Variants in KCNH5 observed in about 807,000 individuals in gnomAD.
KCNH5 encodes potassium voltage-gated channel subfamily H member 5.
KCNH5 carries 46 observed loss-of-function variants against 96.1 expected under a neutral mutation model. The observed-to-expected ratio is 0.48, with a 90% CI of 0.38 to 0.61. KCNH5 has a LOEUF of 0.61. Ranked by LOEUF, KCNH5 falls within the 20% of genes least tolerant of loss-of-function variation. The pLI, the probability that KCNH5 is intolerant of heterozygous loss-of-function variation, is 0.00. For missense variants in KCNH5, 907 were observed against 1,225.8 expected, an observed-to-expected ratio of 0.74 and a Z score of 3.88; for synonymous variants, 439 against 449.8, an observed-to-expected ratio of 0.98 and a Z score of 0.30.
In KCNH5 at chr14:63,040,291, A is replaced by T. The variant is rs562504110; in HGVS notation, c.73+4823T>A. ...TCCTACTTCTGGAATCAAGCAAAAG[A>T]TAAACAAAGAGGGCAATTTCTAGTG... On this transcript the variant is annotated intron_variant, in intron 1 of 10. Transcript: ENST00000322893. Among the ~76,000 whole-genome samples, 8 of 152,270 alleles carry T rather than the reference A, an allele frequency of 5.3e-5. No individual in the cohort carries two copies. In the East Asian group the frequency reaches 7.7e-4, roughly 15 times the overall value.
At chr14:62,942,085 T>C (rs1211065422) in intron 7 of KCNH5, among the ~76,000 whole-genome samples, 1 of 152,194 alleles carries the variant, frequency 6.6e-6, no homozygotes, top group Non-Finnish European at 1.5e-5. Context: ...AGAAAACACA[T>C]CTTATTCTCC....
At chr14:62,800,833 T>A (rs188654544) in intron 9 of KCNH5, among the ~76,000 whole-genome samples, 8 of 152,154 alleles carry the variant, frequency 5.3e-5, no homozygotes, top group Non-Finnish European at 1.0e-4. Context: ...TATGAAGGGT[T>A]ATATTTATCT....
intron 10 of KCNH5, among the ~76,000 whole-genome samples, chr14:62,752,715 G>C (rs147286632): frequency 1.1e-3 from 163 of 152,160 alleles, no homozygotes; most frequent in African/African-American, 3.8e-3. Flanking sequence ...GATTATGGGG[G>C]CAGTTTCCCC....
intron 4 of KCNH5, among the ~76,000 whole-genome samples, chr14:62,995,476 G>A (rs1890890085): frequency 6.6e-6 from 1 of 152,036 alleles, no homozygotes; most frequent in Non-Finnish European, 1.5e-5. Context: ...TTATTCACTT[G>A]ACCAAATTTC....
chr14:62,873,105 G>A (rs962380242), intron 7 of KCNH5, among the ~76,000 whole-genome samples: 13 of 147,216 alleles, frequency 8.8e-5, no homozygotes, highest in Admixed American at 3.4e-4. Context: ...AGCCAAGATC[G>A]CGCCACTGCA....
rs1338730472 is a variant in KCNH5 at position 62,849,301 on chromosome 14, AT to A, written c.1569+351del. Among the ~76,000 whole-genome samples, 3 of 152,206 alleles carry A rather than the reference AT, an allele frequency of 2.0e-5. No individual in the cohort carries two copies. The East Asian group carries it at 5.8e-4, about 29-fold the overall frequency. On this transcript the variant is annotated intron_variant, in intron 8 of 10. Coordinates refer to ENST00000322893, the MANE Select transcript of KCNH5 (RefSeq NM_139318.5). ...AATGAGCAAAAAAGGCAAAGGGAAA[AT>A]CAAGAATAAATTCTAGCAGGAAAAA...
intron 9 of KCNH5, among the ~76,000 whole-genome samples, chr14:62,798,039 A>T (rs1270073223): frequency 6.6e-6 from 1 of 152,118 alleles, no homozygotes; most frequent in Non-Finnish European, 1.5e-5. Context: ...TAAATAACTG[A>T]TTCTACTTAA....
intron 10 of KCNH5, among the ~76,000 whole-genome samples, chr14:62,765,952 G>A (rs544481279): frequency 3.3e-5 from 5 of 151,896 alleles, no homozygotes; most frequent in African/African-American, 9.6e-5. Flanking sequence ...ATCTGTCATG[G>A]AATTAATAAC....
intron 2 of KCNH5, among the ~76,000 whole-genome samples, chr14:63,012,918 C>T (rs903964410): frequency 6.6e-5 from 10 of 150,474 alleles, no homozygotes; most frequent in Non-Finnish European, 1.0e-4. Flanking sequence ...ATTAGAAAGA[C>T]ATACAATAAA....
chr14:62,978,851 T>C (rs1005103477), intron 6 of KCNH5, among the ~76,000 whole-genome samples: 53 of 152,220 alleles, frequency 3.5e-4, no homozygotes, highest in African/African-American at 1.2e-3. Context: ...TATGTATGCA[T>C]TGTGGAATGA....
chr14:62,790,172 T>C (rs1480448529), intron 9 of KCNH5, among the ~76,000 whole-genome samples: 3 of 151,910 alleles, frequency 2.0e-5, no homozygotes, highest in Non-Finnish European at 2.9e-5. Flanking sequence ...TAATTTCCCA[T>C]TGTGGCCTTT....
chr14:62,975,203 GA>G (rs1356128388), intron 6 of KCNH5, among the ~76,000 whole-genome samples: 1 of 151,668 alleles, frequency 6.6e-6, no homozygotes, highest in African/African-American at 2.4e-5. Flanking sequence ...ATCAACAAAA[GA>G]AAAAAATATT....
At chr14:62,814,616 C>T (rs183610) in intron 8 of KCNH5, among the ~76,000 whole-genome samples, 1 of 151,432 alleles carries the variant, frequency 6.6e-6, no homozygotes, top group Non-Finnish European at 1.5e-5. Flanking sequence ...AACGCTATCT[C>T]TACTAAAAAT....
At chr14:63,045,062 C>A (rs1380372935) in intron 1 of KCNH5, 52 bp downstream of exon 1, 15 of 1,360,684 alleles carry the variant, frequency 1.1e-5, no homozygotes, top group Admixed American at 5.0e-5. Flanking sequence ...GGATGGGGGG[C>A]GCGTGTGGGC....
At chr14:63,009,826 C>A (rs1891192511) in intron 2 of KCNH5, among the ~76,000 whole-genome samples, 1 of 152,116 alleles carries the variant, frequency 6.6e-6, no homozygotes, top group South Asian at 2.1e-4. Context: ...TTCCTGAAGC[C>A]TGACTCAGGA....
chr14:62,943,873 C>T (rs1359164126), intron 7 of KCNH5, among the ~76,000 whole-genome samples: 1 of 152,156 alleles, frequency 6.6e-6, no homozygotes, highest in Non-Finnish European at 1.5e-5. Flanking sequence ...TCAGGCAACC[C>T]TTCCAATTCA....
chr14:62,855,492 G>A (rs922991324), intron 7 of KCNH5, among the ~76,000 whole-genome samples: 3 of 152,122 alleles, frequency 2.0e-5, no homozygotes, highest in Admixed American at 6.5e-5. Context: ...TCATAGCCCT[G>A]TGCAAATTGT....
At chr14:62,767,568 A>T (rs573716107) in intron 10 of KCNH5, among the ~76,000 whole-genome samples, 2 of 152,366 alleles carry the variant, frequency 1.3e-5, no homozygotes, top group African/African-American at 4.8e-5. Context: ...GAATTAACGC[A>T]GAAACAGAAA....
chr14:62,953,649 A>C (rs1377555469), intron 6 of KCNH5, among the ~76,000 whole-genome samples: 1 of 152,190 alleles, frequency 6.6e-6, no homozygotes, highest in Non-Finnish European at 1.5e-5. Flanking sequence ...TGCCACATGT[A>C]GCTGGTTATC....
Sources: gnomAD v4.1 joint callset for allele counts (sites outside exome capture counted in the v4.1 genomes callset) on GRCh38, gnomAD v4.1.1 for gene constraint, MANE v1.5 for transcripts, NCBI Gene and HGNC (gene_info 2026-07-23, HGNC 2026-07-21) for gene names.